The following PRR5 variants were observed in gnomAD, a reference collection of about 807,000 sequenced individuals.
PRR5 encodes the protein proline-rich protein 5.
In PRR5, 25 loss-of-function variants were observed where a neutral mutation model predicts 30.6. That is an observed-to-expected ratio of 0.82 (90% CI 0.60 to 1.14). The LOEUF is 1.14. Among genes scored for constraint, PRR5 ranks in the 50% most tolerant of loss-of-function variants. The pLI, the probability that PRR5 is intolerant of heterozygous loss-of-function variation, is 0.00. For synonymous variants in PRR5, 286 were observed against 247.1 expected (o/e 1.16, Z -1.48); for missense variants, 600 against 547.1 (o/e 1.10, Z -0.96).
intron 1 of PRR5, among the ~76,000 whole-genome samples, chr22:44,695,511 C>G (rs1427088262): frequency 6.6e-6 from 1 of 152,134 alleles, no homozygotes; most frequent in African/African-American, 2.4e-5. Flanking sequence ...TGTGATCATT[C>G]TTGTTATCAG....
At chr22:44,680,718 G>A (rs1924198425) in intron 1 of PRR5, among the ~76,000 whole-genome samples, 1 of 150,390 alleles carries the variant, frequency 6.6e-6, no homozygotes, top group South Asian at 2.1e-4. Context: ...ACGGACATCT[G>A]GCCTGAGACC....
intron 1 of PRR5, among the ~76,000 whole-genome samples, chr22:44,680,926 G>A (rs1391219248): frequency 1.3e-5 from 2 of 152,226 alleles, no homozygotes; most frequent in Admixed American, 6.5e-5. Flanking sequence ...GACAGAGCAG[G>A]GTCGGACTAC....
chr22:44,733,509 G>A (rs773242836), intron 6 of PRR5, among the ~76,000 whole-genome samples: 2 of 152,246 alleles, frequency 1.3e-5, no homozygotes, highest in Non-Finnish European at 2.9e-5. Context: ...GGCGGCCAGT[G>A]TGGAGCTGTG....
At chr22:44,686,573 T>C (rs1924773201) in intron 1 of PRR5, among the ~76,000 whole-genome samples, 1 of 152,094 alleles carries the variant, frequency 6.6e-6, no homozygotes, top group Admixed American at 6.5e-5. Context: ...GTGCAGTGGC[T>C]CGATCTTGGC....
intron 1 of PRR5, among the ~76,000 whole-genome samples, chr22:44,696,274 A>G (rs1233403051): frequency 1.3e-5 from 2 of 152,148 alleles, no homozygotes; most frequent in African/African-American, 4.8e-5. Context: ...GGGCAGACCC[A>G]GTTTGGGAGA....
chr22:44,726,209 C>T (rs1200374743), intron 3 of PRR5, among the ~76,000 whole-genome samples: 1 of 152,230 alleles, frequency 6.6e-6, no homozygotes, highest in Non-Finnish European at 1.5e-5. Flanking sequence ...GGTAGGATGG[C>T]AGCTGACGGG....
chr22:44,729,013 C>T (rs1332246550), intron 4 of PRR5, among the ~76,000 whole-genome samples: 3 of 152,178 alleles, frequency 2.0e-5, no homozygotes, highest in Non-Finnish European at 4.4e-5. Context: ...GGAATCGGCT[C>T]CAGCTGCAGC....
chr22:44,720,706 G>C (rs1228667265), intron 2 of PRR5, among the ~76,000 whole-genome samples: 1 of 152,214 alleles, frequency 6.6e-6, no homozygotes, highest in Non-Finnish European at 1.5e-5. Context: ...GTTCAGATCT[G>C]AGGCCGTGTC....
rs1322678841 is a variant in PRR5, at chr22:44,702,322, GC to G, written c.-151del. The G allele has an allele frequency of 4.3e-6, 5 of 1,150,420 alleles. No individual in the cohort carries two copies. The highest frequency in any genetic ancestry group is 5.4e-6 in the Non-Finnish European group (5 of 929,378). The allele number at this position is 1,150,420 out of a possible 1,614,324, so 71.3% of individuals were successfully genotyped here. On this transcript the variant is annotated 5_prime_UTR_variant, in exon 1 of 8. An upstream open reading frame in the 5' UTR loses its in-frame stop. Transcript: ENST00000336985. ...GCGGGACCCGAGACGGAGGCGCGGG[GC>G]CGGGGCGGGACCCCGCAGGACCGCT...
chr22:44,669,889 C>A (rs11914213), intron 1 of PRR5, among the ~76,000 whole-genome samples: 5 of 152,096 alleles, frequency 3.3e-5, no homozygotes, highest in African/African-American at 1.2e-4. Context: ...CCCTGTGGCC[C>A]CTCCGGCCTT....
intron 2 of PRR5, among the ~76,000 whole-genome samples, chr22:44,720,489 C>T (rs1929759160): frequency 6.6e-6 from 1 of 152,146 alleles, no homozygotes. Flanking sequence ...GGTGTGCGAC[C>T]CCTCCTCTGC....
At position 44,685,821 on chromosome 22, in the gene PRR5, C is replaced by T. The variant is rs116901463; in HGVS notation, c.-11+8581C>T. Reference sequence around the variant, plus strand: ...AAGCCGAGATACGTGATGCCCCTTCCGCCTAACTTTGTCCCCTTCTAACCC... The same window carrying T: ...AAGCCGAGATACGTGATGCCCCTTCTGCCTAACTTTGTCCCCTTCTAACCC... On this transcript the variant is annotated intron_variant, in intron 1 of 8. Coordinates refer to the PRR5 transcript ENST00000006251. 5.5e-3 allele frequency among the ~76,000 whole-genome samples: 838 copies of T among 152,362 alleles called. 5 individuals are homozygous for T. The highest frequency in any genetic ancestry group is 9.2e-3 in the Non-Finnish European group (627 of 68,036).
chr22:44,701,302 A>G (rs909801095), upstream of PRR5, among the ~76,000 whole-genome samples: 1 of 152,154 alleles, frequency 6.6e-6, no homozygotes, highest in Non-Finnish European at 1.5e-5. Flanking sequence ...GGCCCTGTTC[A>G]AGGGGCTGGA....
rs1034100776 is a variant in PRR5, at chr22:44,689,011, A to G, written c.-11+11771A>G. The stretch of plus-strand genomic sequence containing the variant: ...ATAATATAAATATATCTTAAGGAGA[A>G]TTGTAATATTATCATGCTGGCCCCT... On this transcript the variant is annotated intron_variant, in intron 1 of 8. Transcript: ENST00000006251. Among the ~76,000 whole-genome samples, 9 of 152,284 alleles carry G rather than the reference A, an allele frequency of 5.9e-5. No individual in the cohort carries two copies. The East Asian group carries it at 1.5e-3, about 26-fold the overall frequency.
In PRR5 at chr22:44,715,961, AAAC is replaced by A. The variant is rs1928989821; in HGVS notation, c.215+1299_215+1301del. Among the ~76,000 whole-genome samples the A allele has an allele frequency of 3.9e-5, 6 of 152,320 alleles. No individual in the cohort carries two copies. The South Asian group carries it at 1.0e-3, about 26-fold the overall frequency. On this transcript the variant is annotated intron_variant, in intron 2 of 7. Coordinates refer to ENST00000336985, the MANE Select transcript of PRR5 (RefSeq NM_181333.4). ...ACCATGCCCGGCCAGCTGGGTATTT[AAAC>A]AACAACAAAAGGAGTTACTGTTAAA...
At chr22:44,699,798 G>A (rs763470264), upstream of PRR5, among the ~76,000 whole-genome samples, 1 of 152,238 alleles carries the variant, frequency 6.6e-6, no homozygotes, top group Admixed American at 6.5e-5. Context: ...GGAGGGACCC[G>A]CAGCTGGAGG....
intron 1 of PRR5, among the ~76,000 whole-genome samples, chr22:44,708,674 T>C (rs1004624584): frequency 2.0e-5 from 3 of 152,098 alleles, no homozygotes; most frequent in Non-Finnish European, 4.4e-5. Flanking sequence ...AGGCTCGGAA[T>C]GGTACAGGGA....
chr22:44,699,941 T>G (rs2146993845), upstream of PRR5, among the ~76,000 whole-genome samples: 1 of 152,262 alleles, frequency 6.6e-6, no homozygotes, highest in East Asian at 1.9e-4. Context: ...TTTGTTTTTT[T>G]TTTTACAGCA....
chr22:44,702,391 C>T lies in PRR5; in HGVS notation c.-84C>T, dbSNP rs955525390. On this transcript the variant is annotated 5_prime_UTR_variant, in exon 1 of 8. Transcript: ENST00000336985. ...CGGAGTTTCCGCGTAGAGGGCGCAT[C>T]GCCGGCCCGGGGCCCTTGGTGCGGC... 7.9e-5 allele frequency: 96 copies of T among 1,212,894 alleles called. 1 individual carries two copies. The highest frequency in any genetic ancestry group is 9.6e-5 in the Non-Finnish European group (93 of 973,756). 75.1% of individuals were successfully genotyped at this position (1,212,894 alleles called of 1,614,324 possible).
Sources: gnomAD v4.1 joint callset for allele counts (sites outside exome capture counted in the v4.1 genomes callset) on GRCh38, gnomAD v4.1.1 for gene constraint, MANE v1.5 for transcripts, NCBI Gene and HGNC (gene_info 2026-07-23, HGNC 2026-07-21) for gene names.